Variants in CNTNAP4 observed in about 807,000 individuals in gnomAD.
CNTNAP4 encodes the protein contactin-associated protein-like 4.
Under a neutral mutation model 148.4 loss-of-function variants are expected in CNTNAP4, and 98 were observed. The ratio of observed to expected loss-of-function variants is 0.66; its 90% CI spans 0.56 to 0.78. The LOEUF is 0.78. Ranked by LOEUF, CNTNAP4 falls within the 30% of genes least tolerant of loss-of-function variation. The pLI is 0.00. For synonymous variants in CNTNAP4, 730 were observed against 565.1 expected (o/e 1.29, Z -4.14); for missense variants, 1,935 against 1,565.6 (o/e 1.24, Z -3.98).
At chr16:76,471,032 T>C (rs1182495128) in intron 10 of CNTNAP4, among the ~76,000 whole-genome samples, 1 of 131,438 alleles carries the variant, frequency 7.6e-6, no homozygotes, top group Non-Finnish European at 1.8e-5. Context: ...ACTTCTACAC[T>C]CATAAGTCCT....
chr16:76,405,903 G>A (rs1363872806), intron 3 of CNTNAP4, among the ~76,000 whole-genome samples: 2 of 151,996 alleles, frequency 1.3e-5, no homozygotes, highest in Admixed American at 6.6e-5. Flanking sequence ...AATGAAATAC[G>A]TTTTTGTGCT....
intron 3 of CNTNAP4, among the ~76,000 whole-genome samples, chr16:76,401,601 G>A (rs7198048): frequency 0.041 from 6,311 of 152,144 alleles, 466 homozygotes; most frequent in African/African-American, 0.15. Context: ...GTGGTGAGAG[G>A]GGGCATCCTT....
rs2078052092 is a variant in CNTNAP4, at chr16:76,392,322, A to T, written c.391-35130A>T. ...CCTAATGTGTTTTAAATGGAGAGTT[A>T]CGTTAGGAAAATGTTCCTAAACATA... On this transcript the variant is annotated intron_variant, in intron 3 of 23. Transcript: ENST00000611870. 2.6e-5 allele frequency among the ~76,000 whole-genome samples: 4 copies of T among 152,150 alleles called. No homozygotes were observed. In the South Asian group the frequency reaches 8.3e-4, roughly 32 times the overall value.
chr16:76,326,452 C>G (rs984792423), intron 2 of CNTNAP4, among the ~76,000 whole-genome samples: 4 of 152,126 alleles, frequency 2.6e-5, no homozygotes, highest in African/African-American at 7.2e-5. Context: ...ATGGGAAAAG[C>G]TAGCAAAAGG....
intron 3 of CNTNAP4, among the ~76,000 whole-genome samples, chr16:76,412,811 A>T (rs543911571): frequency 6.6e-6 from 1 of 151,412 alleles, no homozygotes; most frequent in Non-Finnish European, 1.5e-5. Flanking sequence ...ATGTATTCTG[A>T]CATCAGTTTC....
chr16:76,483,634 C>T (rs564084921), intron 12 of CNTNAP4, among the ~76,000 whole-genome samples: 2 of 152,112 alleles, frequency 1.3e-5, no homozygotes, highest in African/African-American at 4.8e-5. Context: ...GAGTAGGGGG[C>T]GTTTTAAACA....
At chr16:76,405,292 A>G (rs1011001846) in intron 3 of CNTNAP4, among the ~76,000 whole-genome samples, 6 of 152,170 alleles carry the variant, frequency 3.9e-5, no homozygotes, top group African/African-American at 1.4e-4. Context: ...CCCAGTAGCT[A>G]TTTAGATCTG....
chr16:76,454,642 A>AT (rs1205556725), intron 8 of CNTNAP4, among the ~76,000 whole-genome samples: 2 of 152,050 alleles, frequency 1.3e-5, no homozygotes, highest in African/African-American at 4.8e-5. Context: ...AAGCAAGTAC[A>AT]TTTTGCATTT....
chr16:76,389,176 GC>G (rs1402056678), intron 3 of CNTNAP4, among the ~76,000 whole-genome samples: 3 of 152,190 alleles, frequency 2.0e-5, no homozygotes, highest in Non-Finnish European at 4.4e-5. Context: ...TTAGTCCCCA[GC>G]ATGATGAGCA....
At chr16:76,336,742 A>G (rs1964060073) in intron 2 of CNTNAP4, among the ~76,000 whole-genome samples, 1 of 152,332 alleles carries the variant, frequency 6.6e-6, no homozygotes, top group African/African-American at 2.4e-5. Flanking sequence ...ATATATTCCA[A>G]GTTAACACAT....
chr16:76,345,222 A>C (rs983560097), intron 2 of CNTNAP4, among the ~76,000 whole-genome samples: 2 of 152,190 alleles, frequency 1.3e-5, no homozygotes, highest in African/African-American at 4.8e-5. Flanking sequence ...GCCACTTATC[A>C]GGAAGAATTC....
At chr16:76,447,761 G>A (rs1188965961) in intron 4 of CNTNAP4, among the ~76,000 whole-genome samples, 1 of 152,166 alleles carries the variant, frequency 6.6e-6, no homozygotes, top group Non-Finnish European at 1.5e-5. Flanking sequence ...AGTGTTCTGA[G>A]CATGTTTAAG....
chr16:76,456,762 TAAAATA>T (rs922569428), intron 8 of CNTNAP4, among the ~76,000 whole-genome samples: 34 of 151,734 alleles, frequency 2.2e-4, no homozygotes, highest in African/African-American at 7.8e-4. Flanking sequence ...AAAAAATAAA[TAAAATA>T]AAATAAAGTA....
intron 12 of CNTNAP4, 143 bp downstream of exon 12, chr16:76,479,681 T>C: frequency 2.5e-6 from 2 of 808,938 alleles, no homozygotes; most frequent in Non-Finnish European, 3.8e-6. Flanking sequence ...TGAACATAAA[T>C]CTTAAAAAAA....
intron 15 of CNTNAP4, among the ~76,000 whole-genome samples, chr16:76,500,155 C>G (rs1396803085): frequency 2.6e-5 from 4 of 152,010 alleles, no homozygotes; most frequent in African/African-American, 4.8e-5. Context: ...TGCCCCCCAC[C>G]TCCCAGACGG....
intron 2 of CNTNAP4, among the ~76,000 whole-genome samples, chr16:76,329,701 C>T (rs1446578105): frequency 6.6e-6 from 1 of 152,020 alleles, no homozygotes; most frequent in Admixed American, 6.6e-5. Context: ...TTATTTTCTG[C>T]TACTTTTTTC....
At chr16:76,408,345 C>T (rs1312551570) in intron 3 of CNTNAP4, among the ~76,000 whole-genome samples, 1 of 135,098 alleles carries the variant, frequency 7.4e-6, no homozygotes, top group Non-Finnish European at 1.5e-5. Context: ...TTTAATTAAG[C>T]TATTGCTTAA....
intron 2 of CNTNAP4, among the ~76,000 whole-genome samples, chr16:76,350,584 A>G (rs1441752893): frequency 6.6e-6 from 1 of 152,190 alleles, no homozygotes; most frequent in Admixed American, 6.5e-5. Context: ...TTTTGCGGTC[A>G]ATCAGTTACA....
At chr16:76,523,212 G>A (rs1002901249) in intron 17 of CNTNAP4, among the ~76,000 whole-genome samples, 3 of 151,670 alleles carry the variant, frequency 2.0e-5, no homozygotes, top group East Asian at 1.9e-4. Context: ...TCATCCAGCC[G>A]ATGCCAAACA....
Sources: gnomAD v4.1 joint callset for allele counts (sites outside exome capture counted in the v4.1 genomes callset) on GRCh38, gnomAD v4.1.1 for gene constraint, MANE v1.5 for transcripts, NCBI Gene and HGNC (gene_info 2026-07-23, HGNC 2026-07-21) for gene names.